The following HECTD4 variants were observed in gnomAD, a reference collection of about 807,000 sequenced individuals.
The protein encoded by HECTD4 is probable E3 ubiquitin-protein ligase HECTD4.
A neutral mutation model predicts 471.5 loss-of-function variants in HECTD4; 114 were observed. The ratio of observed to expected loss-of-function variants is 0.24; its 90% CI spans 0.21 to 0.28. The LOEUF is 0.28. Among genes scored for constraint, HECTD4 ranks in the 10% least tolerant of loss-of-function variants. The pLI is 1.00. For synonymous variants in HECTD4, 2,012 were observed against 2,256.0 expected (o/e 0.89, Z 3.07); for missense variants, 3,866 against 5,651.5 (o/e 0.68, Z 10.13).
rs765390631 is a variant in HECTD4, at chr12:112,179,163, C to T, written c.11211+11G>A. The stretch of plus-strand genomic sequence containing the variant: ...AGGCCCGGCCTGGGTATGGTGGGGA[C>T]GGGCAGCTACCTGGGTGAGCTGATC... On this transcript the variant is annotated intron_variant, in intron 63 of 75. Transcript: ENST00000682272. This position sits in a 1 kb window ranked among gnomAD's most constrained non-coding sequence, Gnocchi z 4.3. The T allele has an allele frequency of 3.2e-5, 51 of 1,613,160 alleles. 1 individual carries two copies. The highest frequency in any genetic ancestry group is 2.2e-4 in the Admixed American group (13 of 59,896).
chr12:112,174,705 T>C (rs2031369750), intron 66 of HECTD4, among the ~76,000 whole-genome samples: 2 of 152,108 alleles, frequency 1.3e-5, no homozygotes, highest in South Asian at 4.1e-4. Context: ...GCTGGGATTA[T>C]AGGCATGTGC....
At chr12:112,222,404 T>A (rs1253658426) in intron 44 of HECTD4, among the ~76,000 whole-genome samples, 6 of 152,164 alleles carry the variant, frequency 3.9e-5, no homozygotes, top group Non-Finnish European at 8.8e-5. Flanking sequence ...TGGTGGCTCA[T>A]ACCTGTAATC....
chr12:112,324,357 C>T (rs1360010131), intron 1 of HECTD4, among the ~76,000 whole-genome samples: 6 of 151,478 alleles, frequency 4.0e-5, no homozygotes, highest in Non-Finnish European at 8.8e-5. Flanking sequence ...AGAGCTCAAG[C>T]GATCTGCTTG....
chr12:112,184,381 C>A lies in HECTD4; in HGVS notation c.10585G>T (p.Ala3529Ser). 6.2e-7 allele frequency: 1 copy of A among 1,610,366 alleles called. No homozygotes were observed. Among genetic ancestry groups the A allele is most frequent in the Non-Finnish European group, 8.5e-7 (1 of 1,179,032 alleles). The change falls in exon 61 of 76, where the codon GCG becomes TCG. Residue 3529 changes from alanine to serine, a missense_variant. This residue lies in a region of HECTD4 where 192 missense variants were observed against 189.9 expected (regional missense o/e 1.01). Transcript: ENST00000682272. The surrounding 1 kb of genome is among the most constrained non-coding windows in gnomAD (Gnocchi z 9.1). ...TCCAGGCTTTCCTGGCTGGACACCG[C>A]GTGGGGCTCCAACAGGCCCGGAGGG... The part of the protein sequence containing the change: ...PIPPGLLEPH[A>S]VSSQESLDIS...
chr12:112,177,824 T>C (rs1173569250), intron 64 of HECTD4, among the ~76,000 whole-genome samples: 1 of 152,258 alleles, frequency 6.6e-6, no homozygotes, highest in Non-Finnish European at 1.5e-5. Context: ...GAATTGCTTC[T>C]GTATTTATAG....
At chr12:112,200,366 C>G (rs2032383972) in intron 55 of HECTD4, among the ~76,000 whole-genome samples, 1 of 152,122 alleles carries the variant, frequency 6.6e-6, no homozygotes, top group Non-Finnish European at 1.5e-5. Flanking sequence ...GTTGGCCGGG[C>G]TGGTCTCGAA....
chr12:112,355,042 G>A (rs1377462254), intron 1 of HECTD4, among the ~76,000 whole-genome samples: 1 of 150,750 alleles, frequency 6.6e-6, no homozygotes, highest in Non-Finnish European at 1.5e-5. Flanking sequence ...GTGCAGTGGC[G>A]CTATCTCGGC....
In HECTD4 at chr12:112,318,264, C is replaced by CA. The variant is rs574175657; in HGVS notation, c.695+960dup. On this transcript the variant is annotated intron_variant, in intron 2 of 75. Coordinates refer to ENST00000682272, the MANE Select transcript of HECTD4 (RefSeq NM_001388303.1). ...TGGGTGACAGAGTGAGACTCTGTCT[C>CA]AAAAAAAAGAGAAAAGAAAAGAGAA... is the stretch of plus-strand genomic sequence containing the variant. 9.5e-4 allele frequency among the ~76,000 whole-genome samples: 136 copies of CA among 142,814 alleles called. 1 individual carries two copies. The highest frequency in any genetic ancestry group is 1.3e-3 in the Non-Finnish European group (87 of 65,996). 93.7% of individuals were successfully genotyped at this position (142,814 alleles called of 152,430 possible).
chr12:112,192,819 G>C (rs2032124370), intron 58 of HECTD4, 54 bp from the exon 59 acceptor site: 14 of 1,434,308 alleles, frequency 9.8e-6, no homozygotes, highest in Non-Finnish European at 1.3e-5. Flanking sequence ...TGCACATGGG[G>C]ACAGGCAGCT....
chr12:112,343,191 G>C (rs1464162877), intron 1 of HECTD4, among the ~76,000 whole-genome samples: 1 of 152,086 alleles, frequency 6.6e-6, no homozygotes, highest in Non-Finnish European at 1.5e-5. Context: ...AACCACTTAG[G>C]CTTAAACATA....
chr12:112,306,081 C>A lies in HECTD4; in HGVS notation c.1318G>T (p.Asp440Tyr). 6.2e-7 allele frequency: 1 copy of A among 1,601,788 alleles called. No homozygotes were observed. Among genetic ancestry groups the A allele is most frequent in the Admixed American group, 1.8e-5 (1 of 55,968 alleles). ...KTPKGHSVFM[D>Y]IFELVVENGV... ...AAACTTACCACAAGTTCAAAAATGTCCATGAAGACAGAATGTCCCTTCGGT... is the reference window on the plus strand; with the variant it reads ...AAACTTACCACAAGTTCAAAAATGTACATGAAGACAGAATGTCCCTTCGGT... The change falls in exon 7 of 76, where the codon GAC becomes TAC. Residue 440 changes from aspartate (D) to tyrosine (Y), a missense_variant. Around this residue, in one of 16 missense-constraint regions of HECTD4, gnomAD observed 440 missense variants for 636.0 expected, o/e 0.69. Coordinates refer to ENST00000682272, the MANE Select transcript of HECTD4 (RefSeq NM_001388303.1).
At chr12:112,254,934 T>C (rs1346170169) in intron 21 of HECTD4, among the ~76,000 whole-genome samples, 1 of 152,246 alleles carries the variant, frequency 6.6e-6, no homozygotes, top group Non-Finnish European at 1.5e-5. Context: ...ATGTGCGCTC[T>C]GACTGCTTCT....
Position 112,184,304 on chromosome 12 carries a change from C to T in HECTD4, c.10662G>A (p.Glu3554=). ...GSLGSLGSLG[E]PLDNAETASV... ...AGGCCGTCTCTGCATTGTCCAGGGG[C>T]TCCCCCAGGCTGCCCAGGCTGCCCA... The change falls in exon 61 of 76, where the codon GAG becomes GAA. Residue 3554 remains glutamate (E), a synonymous_variant. Transcript: ENST00000682272. The surrounding 1 kb of genome is among the most constrained non-coding windows in gnomAD (Gnocchi z 9.1). The T allele has an allele frequency of 6.2e-7, 1 of 1,613,494 alleles. No individual in the cohort carries two copies. Among genetic ancestry groups the T allele is most frequent in the Non-Finnish European group, 8.5e-7 (1 of 1,179,870 alleles).
chr12:112,177,814 GA>G (rs1384577878), intron 64 of HECTD4, among the ~76,000 whole-genome samples: 6 of 152,214 alleles, frequency 3.9e-5, no homozygotes, highest in African/African-American at 1.4e-4. Flanking sequence ...CATATGTATA[GA>G]ATTGCTTCTG....
intron 5 of HECTD4, 101 bp downstream of exon 5, chr12:112,309,460 T>C (rs761059102): frequency 1.7e-6 from 1 of 582,760 alleles, no homozygotes; most frequent in Non-Finnish European, 3.0e-6. Context: ...TAGTTACTAG[T>C]CTATGGGGAG....
chr12:112,230,876 G>C, intron 39 of HECTD4, 54 bp from the exon 40 acceptor site: 1 of 1,546,418 alleles, frequency 6.5e-7, no homozygotes, highest in Non-Finnish European at 8.8e-7. Context: ...TAAGACTGCA[G>C]GGAAGTGGCT....
intron 1 of HECTD4, among the ~76,000 whole-genome samples, chr12:112,338,930 C>T (rs2036005522): frequency 6.6e-6 from 1 of 152,168 alleles, no homozygotes; most frequent in South Asian, 2.1e-4. Flanking sequence ...CCCCTATGAC[C>T]CAAACACCTC....
chr12:112,209,427 G>A (rs1442353866), intron 50 of HECTD4, among the ~76,000 whole-genome samples: 1 of 151,278 alleles, frequency 6.6e-6, no homozygotes, highest in Non-Finnish European at 1.5e-5. Context: ...CCCGGTTCAA[G>A]CAATTCTTCT....
intron 8 of HECTD4, among the ~76,000 whole-genome samples, chr12:112,282,158 C>T (rs988843163): frequency 2.6e-5 from 4 of 151,966 alleles, no homozygotes; most frequent in African/African-American, 4.8e-5. Context: ...CCAAGGTGGG[C>T]GGATCACGAG....
Sources: gnomAD v4.1 joint callset for allele counts (sites outside exome capture counted in the v4.1 genomes callset) on GRCh38, gnomAD v4.1.1 for gene constraint, gnomAD v4.1.1 regional missense constraint, Gnocchi (gnomAD v3.1) non-coding constraint, MANE v1.5 for transcripts, NCBI Gene and HGNC (gene_info 2026-07-23, HGNC 2026-07-21) for gene names.